BZW1: variants seen among roughly 807,000 people sequenced by gnomAD.
BZW1 encodes the protein eIF5-mimic protein 2.
A neutral mutation model predicts 54.1 loss-of-function variants in BZW1; 3 were observed. The ratio of observed to expected loss-of-function variants is 0.06; its 90% CI spans 0.03 to 0.14. The LOEUF (loss-of-function observed/expected upper bound fraction) is 0.14, where lower values mean the gene tolerates loss of function less well. BZW1 is among the 10% of genes least tolerant of loss of function. The pLI is 1.00. For missense variants in BZW1, 206 were observed against 491.7 expected (o/e 0.42, Z 5.50); for synonymous variants, 152 against 162.7 (o/e 0.93, Z 0.50).
chr2:200,822,327 G>C lies in BZW1; in HGVS notation c.*149G>C. 1 of 614,850 alleles carries C rather than the reference G, an allele frequency of 1.6e-6. No individual in the cohort carries two copies. Among genetic ancestry groups the C allele is most frequent in the Non-Finnish European group, 2.7e-6 (1 of 371,938 alleles). The allele number at this position is 614,850 out of a possible 1,614,324, so 38.1% of individuals were successfully genotyped here. ...CAAATTTTATTTTAACTGTTTCTAT[G>C]GTTGCTGGAAATGTTGGGTTTAGTT... On this transcript the variant is annotated 3_prime_UTR_variant, in exon 12 of 12. Transcript: ENST00000409600.
chr2:200,812,555 C>T, intron 1 of BZW1: 1 of 1,407,912 alleles, frequency 7.1e-7, no homozygotes, highest in Non-Finnish European at 9.2e-7. Flanking sequence ...GGGTCCTGGG[C>T]GGGAAGCGGG....
intron 1 of BZW1, 117 bp from the exon 2 acceptor site, chr2:200,813,091 A>G (rs1177061871): frequency 1.2e-6 from 1 of 821,754 alleles, no homozygotes; most frequent in East Asian, 2.7e-5. Flanking sequence ...TGCCAGCTTT[A>G]TATCCTGAGA....
chr2:200,816,903 T>C (rs1345519528), intron 5 of BZW1, among the ~76,000 whole-genome samples: 2 of 152,230 alleles, frequency 1.3e-5, no homozygotes, highest in South Asian at 4.1e-4. Context: ...AGTTTTATTA[T>C]CCACATTTTA....
chr2:200,818,423 G>A (rs760747367), intron 8 of BZW1, 30 bp downstream of exon 8: 1 of 1,589,212 alleles, frequency 6.3e-7, no homozygotes, highest in Non-Finnish European at 8.5e-7. Context: ...GTCTTTTTAT[G>A]GCTAAGCTTC....
rs1441974050 is a variant in BZW1 at position 200,822,138 on chromosome 2, C to G, written c.1229-9C>G. 6.2e-7 allele frequency: 1 copy of G among 1,604,066 alleles called. No homozygotes were observed. Among genetic ancestry groups the G allele is most frequent in the South Asian group, 1.1e-5 (1 of 89,416 alleles). ...CATAATGTTTGACTGTTTTTTTCCCCTTTTCTAGAATCTGAATCTGAAGCT... is the reference window on the plus strand; with the variant it reads ...CATAATGTTTGACTGTTTTTTTCCCGTTTTCTAGAATCTGAATCTGAAGCT... On this transcript the variant is annotated splice_polypyrimidine_tract_variant and intron_variant, in intron 11 of 11. Coordinates refer to ENST00000409600, the MANE Select transcript of BZW1 (RefSeq NM_001207067.2).
At chr2:200,812,898 A>G (rs913762048) in intron 1 of BZW1, 1 of 656,088 alleles carries the variant, frequency 1.5e-6, no homozygotes, top group Non-Finnish European at 2.9e-6. Context: ...AAGTGAATGT[A>G]AAGAGGAATG....
Position 200,818,804 on chromosome 2 carries a change from CA to C in BZW1, c.870del (p.Val291LeufsTer5), listed in dbSNP as rs1256636167. The C allele has an allele frequency of 6.3e-7, 1 of 1,597,164 alleles. No individual in the cohort carries two copies. Among genetic ancestry groups the C allele is most frequent in the Non-Finnish European group, 8.5e-7 (1 of 1,175,772 alleles). On this transcript the variant is annotated frameshift_variant, in exon 9 of 12. Coordinates refer to ENST00000409600, the MANE Select transcript of BZW1 (RefSeq NM_001207067.2). LOFTEE classifies it high-confidence loss of function. ...EEMKKNNIPE[P>X]VVIGIVWSSV... ...ATGAAAAAAAACAACATCCCAGAGCCAGTTGTCATCGGAATAGTCTGGTCAA... is the reference window on the plus strand; with the variant it reads ...ATGAAAAAAAACAACATCCCAGAGCCGTTGTCATCGGAATAGTCTGGTCAA...
Position 200,812,162 on chromosome 2 carries a change from G to C in BZW1, c.-11+172G>C, listed in dbSNP as rs1352294661. On this transcript the variant is annotated intron_variant, in intron 1 of 11. Coordinates refer to ENST00000409600, the MANE Select transcript of BZW1 (RefSeq NM_001207067.2). ...CCTGAAAGGCCGCCGCTTCGGCAGG[G>C]AGGCCGAGGGGTAGCGGCGGCCCGG... 8 of 1,151,092 alleles carry C rather than the reference G, an allele frequency of 6.9e-6. No homozygotes were observed. The South Asian group carries it at 3.2e-4, about 46-fold the overall frequency. The allele number at this position is 1,151,092 out of a possible 1,614,324, so 71.3% of individuals were successfully genotyped here. A position where few individuals can be genotyped will look rare whatever the true frequency, so the allele number is the denominator to read the frequency against.
rs556767784 is a variant in BZW1 at position 200,816,227 on chromosome 2, G to A, written c.337-98G>A. On this transcript the variant is annotated intron_variant, in intron 4 of 11. Coordinates refer to ENST00000409600, the MANE Select transcript of BZW1 (RefSeq NM_001207067.2). ...GTCACTAGGAATTCTTCTCAAGCTG[G>A]TTTAAGCAGCTCATAAACTTACATC... 30 of 798,974 alleles carry A rather than the reference G, an allele frequency of 3.8e-5. 1 individual carries two copies. The African/African-American group carries it at 4.0e-4, about 11-fold the overall frequency. The allele number at this position is 798,974 out of a possible 1,614,324, so 49.5% of individuals were successfully genotyped here. A position where few individuals can be genotyped will look rare whatever the true frequency, so the allele number is the denominator to read the frequency against.
Position 200,816,320 on chromosome 2 carries a change from C to CA in BZW1, c.337-4dup. ...GTTACTGAATTCATTTAATGTTCTT[C>CA]ATAGGTTTTTAACAAGTTAATCAGG... On this transcript the variant is annotated splice_region_variant and splice_polypyrimidine_tract_variant and intron_variant, in intron 4 of 11. Coordinates refer to ENST00000409600, the MANE Select transcript of BZW1 (RefSeq NM_001207067.2). 6.3e-7 allele frequency: 1 copy of CA among 1,577,318 alleles called. No homozygotes were observed. Among genetic ancestry groups the CA allele is most frequent in the Non-Finnish European group, 8.7e-7 (1 of 1,154,408 alleles).
intron 11 of BZW1, 70 bp downstream of exon 11, chr2:200,821,375 C>T: frequency 3.8e-6 from 6 of 1,559,320 alleles, no homozygotes; most frequent in Non-Finnish European, 5.2e-6. Context: ...TATCTTCACA[C>T]ATGCTTCCTT....
rs1559318441 is a variant in BZW1 at position 200,826,417 on chromosome 2, T to TGA, written c.*4239_*4240insGA. The stretch of plus-strand genomic sequence containing the variant: ...GATAGATAGATAGATATTTTTTTTT[T>TGA]TTTTTTTTTTTTTTTTTTTTTTTTT... On this transcript the variant is annotated 3_prime_UTR_variant, in exon 12 of 12. Coordinates refer to ENST00000409600, the MANE Select transcript of BZW1 (RefSeq NM_001207067.2). 12 of 53,504 alleles carry TGA rather than the reference T, an allele frequency of 2.2e-4. No individual in the cohort carries two copies. The East Asian group carries it at 5.1e-3, about 23-fold the overall frequency. The allele number at this position is 53,504 out of a possible 1,614,324, so 3.3% of individuals were successfully genotyped here.
In BZW1 at chr2:200,826,567, C is replaced by T. The variant is rs1163666774; in HGVS notation, c.*4389C>T. On this transcript the variant is annotated 3_prime_UTR_variant, in exon 12 of 12. Transcript: ENST00000409600. ...AGCCTCCTAGCTGGGATTACAGGCG[C>T]CCACCAACCAAGCCCGGCTAAGGTA... is the stretch of plus-strand genomic sequence containing the variant. 6.6e-6 allele frequency: 1 copy of T among 151,724 alleles called. No homozygotes were observed. The highest frequency in any genetic ancestry group is 2.4e-5 in the African/African-American group (1 of 41,332). The allele number at this position is 151,724 out of a possible 1,614,324, so 9.4% of individuals were successfully genotyped here.
At chr2:200,813,186 G>A (rs1399416479) in intron 1 of BZW1, 22 bp from the exon 2 acceptor site, 23 of 1,597,934 alleles carry the variant, frequency 1.4e-5, no homozygotes, top group African/African-American at 2.7e-5. Context: ...CTGATATTAA[G>A]GCTTTATTTC....
At position 200,822,406 on chromosome 2, in the gene BZW1, G is replaced by A; in HGVS notation, c.*228G>A. On this transcript the variant is annotated 3_prime_UTR_variant, in exon 12 of 12. Transcript: ENST00000409600. ...GAGCTATAGATTTGAATCTAATGTT[G>A]CATTAGTCTTTTCAGTTATCTTCTA... 2.5e-6 allele frequency: 1 copy of A among 396,334 alleles called. No individual in the cohort carries two copies. Among genetic ancestry groups the A allele is most frequent in the Non-Finnish European group, 4.3e-6 (1 of 232,914 alleles). The allele number at this position is 396,334 out of a possible 1,614,324, so 24.6% of individuals were successfully genotyped here. A position where few individuals can be genotyped will look rare whatever the true frequency, so the allele number is the denominator to read the frequency against.
intron 1 of BZW1, chr2:200,812,749 G>A: frequency 1.4e-6 from 1 of 727,244 alleles, no homozygotes; most frequent in Non-Finnish European, 2.5e-6. Context: ...GGATGGTGCT[G>A]CCCGTAACCA....
chr2:200,816,547 A>G (rs939797694), intron 5 of BZW1, among the ~76,000 whole-genome samples, 157 bp downstream of exon 5: 2 of 152,216 alleles, frequency 1.3e-5, no homozygotes, highest in Non-Finnish European at 2.9e-5. Flanking sequence ...CTGGGGGTGC[A>G]GTGGCTCAGT....
At position 200,826,397 on chromosome 2, in the gene BZW1, ATAGATAGATATTTTTTTTTTT is replaced by A. The variant is rs2038694922; in HGVS notation, c.*4221_*4241del. 1.6e-5 allele frequency: 1 copy of A among 63,404 alleles called. No individual in the cohort carries two copies. The highest frequency in any genetic ancestry group is 5.4e-5 in the African/African-American group (1 of 18,516). The allele number at this position is 63,404 out of a possible 1,614,324, so 3.9% of individuals were successfully genotyped here. On this transcript the variant is annotated 3_prime_UTR_variant, in exon 12 of 12. Transcript: ENST00000409600. ...TATAGATAGATAGATAGATAGATAG[ATAGATAGATATTTTTTTTTTT>A]TTTTTTTTTTTTTTTTTTTTTTTTG...
chr2:200,824,129 C>T lies in BZW1; in HGVS notation c.*1951C>T, dbSNP rs2105711617. On this transcript the variant is annotated 3_prime_UTR_variant, in exon 12 of 12. Transcript: ENST00000409600. ...TATTATCTTTGATCGTAGTTTGTTT[C>T]TTCATAATGACACTGTAGTGTTTAC... is the stretch of plus-strand genomic sequence containing the variant. The T allele has an allele frequency of 6.6e-6, 1 of 152,220 alleles. No homozygotes were observed. The highest frequency in any genetic ancestry group is 3.4e-3 in the Middle Eastern group (1 of 294). 9.4% of individuals were successfully genotyped at this position (152,220 alleles called of 1,614,324 possible). A position where few individuals can be genotyped will look rare whatever the true frequency, so the allele number is the denominator to read the frequency against.
Sources: gnomAD v4.1 joint callset for allele counts (sites outside exome capture counted in the v4.1 genomes callset) on GRCh38, gnomAD v4.1.1 for gene constraint, MANE v1.5 for transcripts, NCBI Gene and HGNC (gene_info 2026-07-23, HGNC 2026-07-21) for gene names.